The following PTP4A1 variants were observed in gnomAD, a reference collection of about 807,000 sequenced individuals.
PTP4A1 encodes the protein protein tyrosine phosphatase 4A1.
Under a neutral mutation model 20.5 loss-of-function variants are expected in PTP4A1, and 9 were observed. That is an observed-to-expected ratio of 0.44 (90% CI 0.26 to 0.77). PTP4A1 has a LOEUF of 0.77. Ranked by LOEUF, PTP4A1 falls within the 30% of genes least tolerant of loss-of-function variation. The pLI is 0.19. For missense variants in PTP4A1, 137 were observed against 218.8 expected (o/e 0.63, Z 2.36); for synonymous variants, 78 against 67.4 (o/e 1.16, Z -0.77).
chr6:63,576,955 A>C lies in PTP4A1; in HGVS notation c.75A>C (p.Pro25=), dbSNP rs766268984. 2.5e-6 allele frequency: 4 copies of C among 1,614,000 alleles called. No individual in the cohort carries two copies. Among genetic ancestry groups the C allele is most frequent in the South Asian group, 1.1e-5 (1 of 91,070 alleles). The change falls in exon 2 of 6, where the codon CCA becomes CCC. Residue 25 remains proline (P), a synonymous_variant. Coordinates refer to ENST00000626021, the MANE Select transcript of PTP4A1 (RefSeq NM_003463.5). Reference sequence around the variant, plus strand: ...TGAGATTTCTTATTACACACAATCCAACCAATGCGACCTTAAACAAATTTA... The same window carrying C: ...TGAGATTTCTTATTACACACAATCCCACCAATGCGACCTTAAACAAATTTA... ...KNMRFLITHN[P]TNATLNKFIE... is the part of the protein sequence containing the mutation.
chr6:63,537,736 C>A (rs1417246140), intron 2 of PTP4A1, among the ~76,000 whole-genome samples: 1 of 152,208 alleles, frequency 6.6e-6, no homozygotes, highest in East Asian at 1.9e-4. Flanking sequence ...CAGATCAGAA[C>A]CCTGAGGAAA....
intron 1 of PTP4A1, among the ~76,000 whole-genome samples, chr6:63,526,813 A>ATATATATATATATATG (rs1335457928): frequency 7.2e-6 from 1 of 139,448 alleles, no homozygotes; most frequent in African/African-American, 2.8e-5. Context: ...GTATATATAT[A>ATATATATATATATATG]TATATATATA....
At chr6:63,521,394 C>G (rs1386169535), upstream of PTP4A1, among the ~76,000 whole-genome samples, 1 of 152,270 alleles carries the variant, frequency 6.6e-6, no homozygotes, top group Non-Finnish European at 1.5e-5. Flanking sequence ...TCTCCCCAAT[C>G]TAATTATTTC....
intron 2 of PTP4A1, among the ~76,000 whole-genome samples, chr6:63,536,136 A>G (rs887146152): frequency 1.1e-4 from 16 of 151,824 alleles, no homozygotes; most frequent in African/African-American, 3.9e-4. Context: ...GTTCCAGACC[A>G]GCCTGGCCAA....
intron 3 of PTP4A1, among the ~76,000 whole-genome samples, chr6:63,562,400 T>C (rs1235073582): frequency 2.0e-5 from 3 of 152,176 alleles, no homozygotes; most frequent in South Asian, 2.1e-4. Context: ...CGTTTCTCCA[T>C]GTTGGTCAGG....
intron 1 of PTP4A1, among the ~76,000 whole-genome samples, chr6:63,526,973 T>A (rs1425709786): frequency 6.6e-6 from 1 of 152,036 alleles, no homozygotes; most frequent in Non-Finnish European, 1.5e-5. Context: ...TTCAAGTTTA[T>A]CTTTCTTTAT....
chr6:63,547,599 G>A (rs1413335712), intron 2 of PTP4A1, among the ~76,000 whole-genome samples: 3 of 143,118 alleles, frequency 2.1e-5, no homozygotes, highest in South Asian at 2.3e-4. Flanking sequence ...TCCGCCTCCC[G>A]GGTTCATTCC....
chr6:63,554,150 A>C (rs1051397973), intron 3 of PTP4A1, among the ~76,000 whole-genome samples: 2 of 152,236 alleles, frequency 1.3e-5, no homozygotes, highest in Non-Finnish European at 1.5e-5. Flanking sequence ...CAGAGGCAAT[A>C]AAAAGACTTT....
intron 2 of PTP4A1, chr6:63,548,754 T>A (rs1315089989): frequency 1.4e-5 from 10 of 694,426 alleles, no homozygotes; most frequent in Non-Finnish European, 1.8e-5. Context: ...CTTTTCGAGC[T>A]TGCCAATGCA....
chr6:63,582,045 T>A lies in PTP4A1; in HGVS notation c.*1871T>A, dbSNP rs924961611. Reference sequence around the variant, plus strand: ...CAAAGAATTTAGTTCCACCTCTTCATACCAGTTTAACACTTAATATATTTC... The same window carrying A: ...CAAAGAATTTAGTTCCACCTCTTCAAACCAGTTTAACACTTAATATATTTC... On this transcript the variant is annotated 3_prime_UTR_variant, in exon 6 of 6. Coordinates refer to ENST00000626021, the MANE Select transcript of PTP4A1 (RefSeq NM_003463.5). 6.6e-6 allele frequency: 1 copy of A among 152,188 alleles called. No homozygotes were observed. The highest frequency in any genetic ancestry group is 2.4e-5 in the African/African-American group (1 of 41,450). 9.4% of individuals were successfully genotyped at this position (152,188 alleles called of 1,614,324 possible).
intron 2 of PTP4A1, among the ~76,000 whole-genome samples, chr6:63,548,031 C>T (rs1776281269): frequency 1.3e-5 from 2 of 152,152 alleles, no homozygotes; most frequent in Admixed American, 1.3e-4. Context: ...CTAGGGATTC[C>T]CTGTTTCTTT....
intron 3 of PTP4A1, among the ~76,000 whole-genome samples, chr6:63,554,600 C>T (rs1426056661): frequency 6.6e-6 from 1 of 152,132 alleles, no homozygotes; most frequent in African/African-American, 2.4e-5. Context: ...GAGTTCAAGA[C>T]CAGCCTGGCC....
intron 3 of PTP4A1, among the ~76,000 whole-genome samples, chr6:63,554,158 T>G (rs966353370): frequency 2.6e-5 from 4 of 152,196 alleles, no homozygotes; most frequent in African/African-American, 9.6e-5. Flanking sequence ...ATAAAAAGAC[T>G]TTACAATCCT....
At chr6:63,575,681 T>C (rs1777808320) in intron 1 of PTP4A1, among the ~76,000 whole-genome samples, 1 of 152,222 alleles carries the variant, frequency 6.6e-6, no homozygotes, top group African/African-American at 2.4e-5. Flanking sequence ...ATTAAAATTA[T>C]GAATATTTTC....
chr6:63,535,883 C>T (rs1005693457), intron 2 of PTP4A1, among the ~76,000 whole-genome samples: 5 of 152,190 alleles, frequency 3.3e-5, no homozygotes, highest in African/African-American at 9.6e-5. Context: ...TGCAATTCTC[C>T]TGCTTCAGCC....
chr6:63,575,290 A>C (rs1777782875), intron 1 of PTP4A1, among the ~76,000 whole-genome samples: 1 of 152,206 alleles, frequency 6.6e-6, no homozygotes, highest in African/African-American at 2.4e-5. Flanking sequence ...GGCAGTGACT[A>C]TGAATTACTG....
At chr6:63,532,657 A>T (rs1775522123) in intron 2 of PTP4A1, among the ~76,000 whole-genome samples, 1 of 152,224 alleles carries the variant, frequency 6.6e-6, no homozygotes, top group Admixed American at 6.5e-5. Context: ...AAGAGCAAGT[A>T]TGATGGAGGG....
intron 1 of PTP4A1, 96 bp downstream of exon 1, chr6:63,572,815 C>T: frequency 2.5e-6 from 1 of 396,656 alleles, no homozygotes; most frequent in Non-Finnish European, 4.5e-6. Context: ...GCGTCTCCTC[C>T]AGGTTGCCCC....
chr6:63,572,600 C>A lies in PTP4A1; in HGVS notation c.-565C>A, dbSNP rs1403719544. On this transcript the variant is annotated 5_prime_UTR_variant, in exon 1 of 6. Coordinates refer to ENST00000626021, the MANE Select transcript of PTP4A1 (RefSeq NM_003463.5). ...GCCGCCGCCTGCATCGCCGCCACCG[C>A]CGCTCCGCCACGACCACCGCCGCCT... 9.5e-6 allele frequency: 4 copies of A among 418,890 alleles called. No homozygotes were observed. The highest frequency in any genetic ancestry group is 4.4e-5 in the Admixed American group (1 of 22,850). 25.9% of individuals were successfully genotyped at this position (418,890 alleles called of 1,614,324 possible). A position where few individuals can be genotyped will look rare whatever the true frequency, so the allele number is the denominator to read the frequency against.
Sources: gnomAD v4.1 joint callset for allele counts (sites outside exome capture counted in the v4.1 genomes callset) on GRCh38, gnomAD v4.1.1 for gene constraint, MANE v1.5 for transcripts, NCBI Gene and HGNC (gene_info 2026-07-23, HGNC 2026-07-21) for gene names.